SPOCK1: variants seen among roughly 807,000 people sequenced by gnomAD.
The protein encoded by SPOCK1 is testican-1.
SPOCK1 carries 23 observed loss-of-function variants against 55.3 expected under a neutral mutation model. The observed-to-expected ratio is 0.42, with a 90% confidence interval of 0.30 to 0.59. SPOCK1 has a LOEUF of 0.59. Among genes scored for constraint, SPOCK1 ranks in the 20% least tolerant of loss-of-function variants. The pLI is 0.22. For synonymous variants in SPOCK1, 226 were observed against 221.0 expected (o/e 1.02, Z -0.20); for missense variants, 499 against 552.5 (o/e 0.90, Z 0.97).
intron 2 of SPOCK1, among the ~76,000 whole-genome samples, chr5:137,400,878 C>T (rs1751959056): frequency 6.6e-6 from 1 of 152,214 alleles, no homozygotes; most frequent in Non-Finnish European, 1.5e-5. Context: ...ACAGACAAAT[C>T]AGGGGTGGTT....
In SPOCK1 at chr5:137,024,899, T is replaced by C. The variant is rs535384983; in HGVS notation, c.590-32299A>G. Among the ~76,000 whole-genome samples the C allele has an allele frequency of 3.3e-5, 5 of 152,318 alleles. No individual in the cohort carries two copies. The South Asian group carries it at 1.0e-3, about 32-fold the overall frequency. ...ATGAATGGAAAAATAAAATGTGGTA[T>C]GTACATATAATGGATTATTATTCAG... On this transcript the variant is annotated intron_variant, in intron 6 of 10. Coordinates refer to ENST00000394945, the MANE Select transcript of SPOCK1 (RefSeq NM_004598.4).
chr5:137,229,761 A>G (rs553395100), intron 3 of SPOCK1, among the ~76,000 whole-genome samples: 1 of 152,222 alleles, frequency 6.6e-6, no homozygotes, highest in South Asian at 2.1e-4. Context: ...TGGTTTCAGG[A>G]TGAAACTGTT....
intron 2 of SPOCK1, among the ~76,000 whole-genome samples, chr5:137,401,402 A>C (rs1408056016): frequency 6.6e-6 from 1 of 152,022 alleles, no homozygotes; most frequent in Non-Finnish European, 1.5e-5. Flanking sequence ...TGCAGCAGGC[A>C]CTATTAACAT....
At chr5:137,335,542 A>G (rs1750244123) in intron 2 of SPOCK1, among the ~76,000 whole-genome samples, 1 of 152,240 alleles carries the variant, frequency 6.6e-6, no homozygotes, top group Non-Finnish European at 1.5e-5. Context: ...CCAAGAGTAC[A>G]TAACTGAAGA....
Position 136,985,265 on chromosome 5 carries a change from C to T in SPOCK1, c.929-63G>A, listed in dbSNP as rs1478756467. On this transcript the variant is annotated intron_variant, in intron 8 of 10. Transcript: ENST00000394945. ...ATGGAGTATAATCGCTAATGATTGACTTCACTCTTGATGTGAAATGTAGAC... is the reference window on the plus strand; with the variant it reads ...ATGGAGTATAATCGCTAATGATTGATTTCACTCTTGATGTGAAATGTAGAC... 3.4e-5 allele frequency: 49 copies of T among 1,432,566 alleles called. No individual in the cohort carries two copies. The East Asian group carries it at 1.1e-3, about 33-fold the overall frequency. 88.7% of individuals were successfully genotyped at this position (1,432,566 alleles called of 1,614,324 possible).
chr5:137,121,502 T>C (rs943500052), intron 4 of SPOCK1, among the ~76,000 whole-genome samples: 1 of 151,034 alleles, frequency 6.6e-6, no homozygotes. Flanking sequence ...TCACACACTT[T>C]GGAACATTAC....
intron 2 of SPOCK1, among the ~76,000 whole-genome samples, chr5:137,348,547 C>T (rs548596243): frequency 6.6e-6 from 1 of 152,046 alleles, no homozygotes; most frequent in South Asian, 2.1e-4. Context: ...TTTGCATGTG[C>T]TTTTTATGAT....
At chr5:137,467,507 A>G (rs1580943001) in intron 2 of SPOCK1, among the ~76,000 whole-genome samples, 1 of 152,254 alleles carries the variant, frequency 6.6e-6, no homozygotes, top group Non-Finnish European at 1.5e-5. Flanking sequence ...CATGAAGCAT[A>G]TAACATAGAA....
chr5:137,184,002 C>T (rs76032964), intron 3 of SPOCK1, among the ~76,000 whole-genome samples: 1,972 of 152,268 alleles, frequency 0.013, 47 homozygotes, highest in African/African-American at 0.044. Flanking sequence ...GGCTGATGCC[C>T]GACATTATTG....
intron 2 of SPOCK1, among the ~76,000 whole-genome samples, chr5:137,394,471 G>T (rs1751798384): frequency 6.6e-6 from 1 of 152,170 alleles, no homozygotes; most frequent in East Asian, 1.9e-4. Flanking sequence ...TCATCACAAG[G>T]CTGGAATCAG....
intron 2 of SPOCK1, among the ~76,000 whole-genome samples, chr5:137,294,269 A>G (rs1757434497): frequency 6.6e-6 from 1 of 152,248 alleles, no homozygotes; most frequent in Admixed American, 6.5e-5. Context: ...TATTTCCATC[A>G]TGAGAAAAAC....
chr5:137,044,867 C>T (rs1752081070), intron 6 of SPOCK1, among the ~76,000 whole-genome samples: 1 of 143,780 alleles, frequency 7.0e-6, no homozygotes, highest in Non-Finnish European at 1.5e-5. Context: ...TTGTTCAATT[C>T]CCGCCTATGA....
chr5:137,371,669 C>T (rs1402244355), intron 2 of SPOCK1, among the ~76,000 whole-genome samples: 1 of 152,196 alleles, frequency 6.6e-6, no homozygotes, highest in African/African-American at 2.4e-5. Flanking sequence ...AAGTTTACCT[C>T]AAACCACAAT....
At chr5:136,988,866 T>C (rs1288619865) in intron 7 of SPOCK1, 3 of 454,130 alleles carry the variant, frequency 6.6e-6, no homozygotes, top group Non-Finnish European at 1.2e-5. Flanking sequence ...GAGGAAAATA[T>C]GTTCTAAAGG....
intron 3 of SPOCK1, among the ~76,000 whole-genome samples, chr5:137,147,574 C>T (rs905745013): frequency 3.9e-5 from 6 of 152,192 alleles, no homozygotes; most frequent in Non-Finnish European, 8.8e-5. Context: ...TCGATGCAAG[C>T]ACTTGGAGAG....
At chr5:137,090,642 C>T (rs1753036110) in intron 5 of SPOCK1, among the ~76,000 whole-genome samples, 3 of 152,164 alleles carry the variant, frequency 2.0e-5, no homozygotes, top group South Asian at 4.1e-4. Flanking sequence ...GGGCAGAATT[C>T]GGTCGAGCTT....
At chr5:137,318,382 A>G (rs1349539586) in intron 2 of SPOCK1, among the ~76,000 whole-genome samples, 11 of 152,230 alleles carry the variant, frequency 7.2e-5, no homozygotes. Flanking sequence ...TAATAAAAAA[A>G]GCATGGCTCT....
intron 3 of SPOCK1, among the ~76,000 whole-genome samples, chr5:137,164,045 G>A (rs991774754): frequency 1.3e-5 from 2 of 152,144 alleles, no homozygotes; most frequent in Non-Finnish European, 2.9e-5. Context: ...AAGCAGAGAG[G>A]TATATGAAGA....
chr5:137,323,270 A>G, intron 2 of SPOCK1, among the ~76,000 whole-genome samples: 1 of 152,228 alleles, frequency 6.6e-6, no homozygotes, highest in East Asian at 1.9e-4. Context: ...AGAAAATGAG[A>G]CTATTTGCTT....
Sources: gnomAD v4.1 joint callset for allele counts (sites outside exome capture counted in the v4.1 genomes callset) on GRCh38, gnomAD v4.1.1 for gene constraint, MANE v1.5 for transcripts, NCBI Gene and HGNC (gene_info 2026-07-23, HGNC 2026-07-21) for gene names.